Variants in LYPLA1 observed in about 807,000 individuals in gnomAD.
LYPLA1 encodes the protein acyl-protein thioesterase 1.
Under a neutral mutation model 34.0 loss-of-function variants are expected in LYPLA1, and 17 were observed. The observed-to-expected ratio is 0.50, with a 90% CI of 0.34 to 0.75. The LOEUF is 0.75. Among genes scored for constraint, LYPLA1 ranks in the 30% least tolerant of loss-of-function variants. The probability of loss-of-function intolerance (pLI) is 0.01; values close to 1 mark genes in which losing one functional copy is unlikely to be tolerated. For missense variants in LYPLA1, 203 were observed against 288.8 expected, an observed-to-expected ratio of 0.70 and a Z score of 2.15; for synonymous variants, 98 against 100.8, an observed-to-expected ratio of 0.97 and a Z score of 0.17.
intron 5 of LYPLA1, among the ~76,000 whole-genome samples, chr8:54,056,742 G>C (rs530828086): frequency 6.6e-6 from 1 of 152,088 alleles, no homozygotes. Context: ...GTGAAACCCC[G>C]TATCTACTAC....
rs546981268 is a variant in LYPLA1 at position 54,079,577 on chromosome 8, C to T, written c.102-13764G>A. ...CAGCAGTTTGGGAGGCTGAGTTGGG[C>T]GGATCATTTGAGTCCAGGAGATTGA... On this transcript the variant is annotated intron_variant, in intron 2 of 8. Transcript: ENST00000316963. Among the ~76,000 whole-genome samples the T allele has an allele frequency of 3.9e-5, 6 of 152,022 alleles. No homozygotes were observed. The South Asian group carries it at 1.0e-3, about 26-fold the overall frequency.
intron 5 of LYPLA1, among the ~76,000 whole-genome samples, chr8:54,059,251 T>C (rs77948165): frequency 0.016 from 2,487 of 152,278 alleles, 25 homozygotes; most frequent in Non-Finnish European, 0.026. Flanking sequence ...TCAGTGTTGT[T>C]GGTTTGACAT....
intron 3 of LYPLA1, among the ~76,000 whole-genome samples, chr8:54,065,459 A>AAAAT (rs4014133): frequency 0.84 from 122,691 of 145,822 alleles, 53,967 homozygotes; most frequent in South Asian, 0.97. Context: ...CTCTGTCTCA[A>AAAAT]AAATAAATAA....
chr8:54,046,725 A>G lies in LYPLA1; in HGVS notation c.*1340T>C, dbSNP rs1805509291. On this transcript the variant is annotated 3_prime_UTR_variant, in exon 9 of 9. Transcript: ENST00000316963. Reference sequence around the variant, plus strand: ...GCAGAAAAATTAACACAGTTGAGAAATATCAAGCATACATTTTTGCTACAT... The same window carrying G: ...GCAGAAAAATTAACACAGTTGAGAAGTATCAAGCATACATTTTTGCTACAT... 6.6e-6 allele frequency: 1 copy of G among 152,336 alleles called. No homozygotes were observed. Among genetic ancestry groups the G allele is most frequent in the Non-Finnish European group, 1.5e-5 (1 of 67,998 alleles). 9.4% of individuals were successfully genotyped at this position (152,336 alleles called of 1,614,324 possible). A position where few individuals can be genotyped will look rare whatever the true frequency, so the allele number is the denominator to read the frequency against.
intron 2 of LYPLA1, among the ~76,000 whole-genome samples, chr8:54,088,730 G>A (rs1808985035): frequency 6.6e-6 from 1 of 152,158 alleles, no homozygotes; most frequent in Non-Finnish European, 1.5e-5. Context: ...ATTAATTGAT[G>A]AATGAATTAT....
chr8:54,083,693 G>C (rs776958434), intron 2 of LYPLA1, among the ~76,000 whole-genome samples: 2 of 152,148 alleles, frequency 1.3e-5, no homozygotes, highest in African/African-American at 2.4e-5. Context: ...AATAAAATCT[G>C]AGTTTCATAT....
rs1205621585 is a variant in LYPLA1, at chr8:54,048,130, A to G, written c.640-12T>C. On this transcript the variant is annotated splice_polypyrimidine_tract_variant and intron_variant, in intron 8 of 8. Transcript: ENST00000316963. ...ACATCCATCATTTCCTGTTTGGAAT[A>G]AAGTAATTTAATAGGTAGGTAGTTA... The G allele has an allele frequency of 6.4e-7, 1 of 1,567,018 alleles. No homozygotes were observed. Among genetic ancestry groups the G allele is most frequent in the Non-Finnish European group, 8.8e-7 (1 of 1,138,372 alleles).
At chr8:54,078,241 C>T (rs575711722) in intron 2 of LYPLA1, among the ~76,000 whole-genome samples, 2 of 152,164 alleles carry the variant, frequency 1.3e-5, no homozygotes, top group South Asian at 2.1e-4. Flanking sequence ...CGTGAGCCAC[C>T]GCACCCAGCC....
At chr8:54,094,523 G>A (rs1809533387) in intron 2 of LYPLA1, among the ~76,000 whole-genome samples, 1 of 152,134 alleles carries the variant, frequency 6.6e-6, no homozygotes, top group African/African-American at 2.4e-5. Flanking sequence ...GCAATTGGAG[G>A]AATCATTATA....
intron 5 of LYPLA1, among the ~76,000 whole-genome samples, chr8:54,057,647 G>A (rs1447857532): frequency 6.6e-6 from 1 of 152,172 alleles, no homozygotes; most frequent in Non-Finnish European, 1.5e-5. Flanking sequence ...GTAGAAGTAT[G>A]GTTATCAGAG....
At chr8:54,064,402 G>A (rs1159987380) in intron 3 of LYPLA1, among the ~76,000 whole-genome samples, 4 of 152,028 alleles carry the variant, frequency 2.6e-5, no homozygotes, top group African/African-American at 7.3e-5. Flanking sequence ...GGGCAACAGA[G>A]AGAGACTCCA....
chr8:54,073,335 G>C, intron 2 of LYPLA1: 1 of 852,856 alleles, frequency 1.2e-6, no homozygotes, highest in South Asian at 1.3e-5. Context: ...AGCATGATGT[G>C]TGCAAAGAGA....
At chr8:54,088,435 A>C (rs1808964950) in intron 2 of LYPLA1, among the ~76,000 whole-genome samples, 1 of 152,242 alleles carries the variant, frequency 6.6e-6, no homozygotes, top group South Asian at 2.1e-4. Flanking sequence ...GGATGGCTAT[A>C]ATCAAAAAGA....
At chr8:54,070,839 G>A (rs1414734038) in intron 2 of LYPLA1, among the ~76,000 whole-genome samples, 1 of 152,196 alleles carries the variant, frequency 6.6e-6, no homozygotes, top group African/African-American at 2.4e-5. Flanking sequence ...ACAATGTTAA[G>A]TGAAAGAAGC....
chr8:54,073,096 T>C, intron 2 of LYPLA1: 1 of 654,070 alleles, frequency 1.5e-6, no homozygotes, highest in Non-Finnish European at 2.9e-6. Context: ...TCGTTAAGGG[T>C]TGGGCCATCA....
intron 6 of LYPLA1, chr8:54,054,390 G>T (rs946183211): frequency 2.0e-5 from 3 of 152,290 alleles, no homozygotes; most frequent in Non-Finnish European, 4.4e-5. Flanking sequence ...TCACTATATT[G>T]TATCAACAAA....
chr8:54,077,187 T>C (rs1489527694), intron 2 of LYPLA1, among the ~76,000 whole-genome samples: 2 of 151,846 alleles, frequency 1.3e-5, no homozygotes, highest in African/African-American at 2.4e-5. Flanking sequence ...CCATGTACTT[T>C]GCAGCAACAT....
chr8:54,101,724 A>T, intron 1 of LYPLA1, 31 bp downstream of exon 1: 1 of 1,283,452 alleles, frequency 7.8e-7, no homozygotes, highest in Non-Finnish European at 1.0e-6. Flanking sequence ...GGCCCAGTGG[A>T]CCCCTCCGAG....
intron 2 of LYPLA1, chr8:54,100,664 CTA>C (rs1810057201): frequency 2.1e-6 from 1 of 484,090 alleles, no homozygotes; most frequent in African/African-American, 2.0e-5. Flanking sequence ...CCCAAAGCAA[CTA>C]ATGAGGAATT....
Sources: allele counts gnomAD v4.1 joint callset (sites outside exome capture counted in the v4.1 genomes callset), GRCh38; gene constraint gnomAD v4.1.1; transcripts MANE v1.5; gene names NCBI Gene and HGNC (gene_info 2026-07-23, HGNC 2026-07-21).